EML1: variants seen among roughly 807,000 people sequenced by gnomAD.
The protein encoded by EML1 is EMAP like 1, also known as echinoderm microtubule-associated protein-like 1.
A neutral mutation model predicts 110.4 loss-of-function variants in EML1; 27 were observed. That is an observed-to-expected ratio of 0.24 (90% CI 0.18 to 0.34). EML1 has a LOEUF of 0.34. Ranked by LOEUF, EML1 falls within the 10% of genes least tolerant of loss-of-function variation. The probability of loss-of-function intolerance (pLI) is 1.00; values close to 1 mark genes in which losing one functional copy is unlikely to be tolerated. For missense variants in EML1, 741 were observed against 1,030.9 expected (o/e 0.72, Z 3.85); for synonymous variants, 344 against 385.8 (o/e 0.89, Z 1.27).
Position 99,907,435 on chromosome 14 carries a change from T to C in EML1, c.1009-203T>C. ...GAGAGCAATGATTGCACCACTGCAC[T>C]GTGACCTGGATGACAGAGCAAAACC... On this transcript the variant is annotated intron_variant, in intron 9 of 21. Coordinates refer to ENST00000262233, the MANE Select transcript of EML1 (RefSeq NM_004434.3). 3 of 587,832 alleles carry C rather than the reference T, an allele frequency of 5.1e-6. No individual in the cohort carries two copies. The South Asian group carries it at 6.3e-5, about 12-fold the overall frequency. The allele number at this position is 587,832 out of a possible 1,614,324, so 36.4% of individuals were successfully genotyped here.
upstream of EML1, among the ~76,000 whole-genome samples, chr14:99,770,779 A>ATTTTTTTTTTTTTTTTT (rs34744469): frequency 1.9e-3 from 176 of 91,624 alleles, 20 homozygotes; most frequent in African/African-American, 6.1e-3. Context: ...GTTTCCGCTG[A>ATTTTTTTTTTTTTTTTT]TTTTTTTTTT....
intron 17 of EML1, among the ~76,000 whole-genome samples, chr14:99,922,240 C>T (rs1482801836): frequency 4.6e-5 from 7 of 151,918 alleles, no homozygotes; most frequent in Non-Finnish European, 8.8e-5. Flanking sequence ...CTCAGCCTCC[C>T]GAGTAGCTGG....
At chr14:99,868,364 T>A (rs1174608333) in intron 3 of EML1, among the ~76,000 whole-genome samples, 1 of 152,214 alleles carries the variant, frequency 6.6e-6, no homozygotes, top group Non-Finnish European at 1.5e-5. Context: ...CCTCAATTCT[T>A]TGGAAGAGTT....
chr14:99,939,402 G>C lies in EML1; in HGVS notation c.2322+75G>C. 3 of 1,584,464 alleles carry C rather than the reference G, an allele frequency of 1.9e-6. No homozygotes were observed. The highest frequency in any genetic ancestry group is 2.6e-6 in the Non-Finnish European group (3 of 1,162,778). Reference sequence around the variant, plus strand: ...TACACCCGACCTGTTTGGAGACTAAGTGGAAATGGGCTGTGAGCGACTGCT... The same window carrying C: ...TACACCCGACCTGTTTGGAGACTAACTGGAAATGGGCTGTGAGCGACTGCT... On this transcript the variant is annotated intron_variant, in intron 21 of 21. Coordinates refer to ENST00000262233, the MANE Select transcript of EML1 (RefSeq NM_004434.3). The surrounding 1 kb of genome is among the most constrained non-coding windows in gnomAD (Gnocchi z 4.2).
At chr14:99,790,479 A>T (rs1273448070), upstream of EML1, among the ~76,000 whole-genome samples, 2 of 148,958 alleles carry the variant, frequency 1.3e-5, no homozygotes, top group Non-Finnish European at 3.0e-5. Flanking sequence ...CTAGGACTAC[A>T]GGCACACACC....
At chr14:99,823,319 G>A (rs1270298180) in intron 1 of EML1, among the ~76,000 whole-genome samples, 1 of 151,924 alleles carries the variant, frequency 6.6e-6, no homozygotes, top group Admixed American at 6.6e-5. Context: ...TGTCGGCCTT[G>A]CCCTGGCCGC....
intron 1 of EML1, among the ~76,000 whole-genome samples, chr14:99,832,614 C>T (rs776783661): frequency 9.2e-5 from 14 of 152,226 alleles, no homozygotes; most frequent in Admixed American, 1.3e-4. Context: ...TCCCTAATGA[C>T]TAATGATGTT....
Position 99,905,888 on chromosome 14 carries a change from T to C in EML1, c.1009-1750T>C, listed in dbSNP as rs1429847802. Among the ~76,000 whole-genome samples, 2 of 152,082 alleles carry C rather than the reference T, an allele frequency of 1.3e-5. No individual in the cohort carries two copies. Among genetic ancestry groups the C allele is most frequent in the African/African-American group, 4.8e-5 (2 of 41,400 alleles). ...CTCTGTCTTAGGAGAGACTCCTAAG[T>C]TAGGCCTCTAACCCAATCCCATCCT... On this transcript the variant is annotated intron_variant, in intron 9 of 21. Coordinates refer to ENST00000262233, the MANE Select transcript of EML1 (RefSeq NM_004434.3). This position sits in a 1 kb window ranked among gnomAD's most constrained non-coding sequence, Gnocchi z 4.1.
At position 99,796,934 on chromosome 14, in the gene EML1, T is replaced by TGAGA. The variant is rs201968910; in HGVS notation, c.67+3392_67+3393insAGAG. 5.6e-5 allele frequency among the ~76,000 whole-genome samples: 7 copies of TGAGA among 125,854 alleles called. No homozygotes were observed. The East Asian group carries it at 1.8e-3, about 32-fold the overall frequency. 82.6% of individuals were successfully genotyped at this position (125,854 alleles called of 152,430 possible). A position where few individuals can be genotyped will look rare whatever the true frequency, so the allele number is the denominator to read the frequency against. On this transcript the variant is annotated intron_variant, in intron 1 of 21. Transcript: ENST00000262233. ...ATGTGTGTGTGTGTGTGTGTGTGTGTGTGAGAGAGTAATAGCTTTATTGAA... is the reference window on the plus strand; with the variant it reads ...ATGTGTGTGTGTGTGTGTGTGTGTGTGAGAGTGAGAGAGTAATAGCTTTATTGAA...
intron 1 of EML1, among the ~76,000 whole-genome samples, chr14:99,754,075 G>A (rs1047087312): frequency 7.2e-5 from 11 of 152,192 alleles, no homozygotes; most frequent in African/African-American, 2.4e-4. Context: ...TCCCCTCTCT[G>A]GGACTCAGTT....
At chr14:99,885,582 C>T (rs947279047) in intron 4 of EML1, among the ~76,000 whole-genome samples, 2 of 152,188 alleles carry the variant, frequency 1.3e-5, no homozygotes, top group African/African-American at 4.8e-5. Flanking sequence ...CCACATTTTA[C>T]ACTGGAAGAT....
chr14:99,938,556 G>A lies in EML1; in HGVS notation c.2192-641G>A, dbSNP rs1359114167. On this transcript the variant is annotated intron_variant, in intron 20 of 21. Coordinates refer to ENST00000262233, the MANE Select transcript of EML1 (RefSeq NM_004434.3). ...TCCCCGACAATGGTCAGAAGAGGGC[G>A]TCCCCCACCCACCCATTCTCCAGGC... Among the ~76,000 whole-genome samples, 8 of 152,108 alleles carry A rather than the reference G, an allele frequency of 5.3e-5. No individual in the cohort carries two copies. The East Asian group carries it at 5.8e-4, about 11-fold the overall frequency.
chr14:99,822,526 A>T (rs1215732284), intron 1 of EML1, among the ~76,000 whole-genome samples: 2 of 152,190 alleles, frequency 1.3e-5, no homozygotes, highest in East Asian at 3.9e-4. Context: ...GAGGGCAGGG[A>T]AATAAAGATC....
chr14:99,808,053 A>G (rs2058009938), intron 1 of EML1, among the ~76,000 whole-genome samples: 1 of 152,078 alleles, frequency 6.6e-6, no homozygotes, highest in African/African-American at 2.4e-5. Context: ...CCTGGGGTGA[A>G]GTCTTCCCTC....
intron 17 of EML1, among the ~76,000 whole-genome samples, chr14:99,925,390 G>C (rs1175434972): frequency 6.6e-6 from 1 of 151,068 alleles, no homozygotes; most frequent in Non-Finnish European, 1.5e-5. Context: ...CCTCCAAGTA[G>C]CTGGGACTGC....
chr14:99,794,108 G>A (rs1219860944), intron 1 of EML1, among the ~76,000 whole-genome samples: 1 of 152,116 alleles, frequency 6.6e-6, no homozygotes, highest in Admixed American at 6.6e-5. Flanking sequence ...CCTCAGTGTT[G>A]CTTCTTATTT....
rs561291301 is a variant in EML1 at position 99,938,029 on chromosome 14, G to A, written c.2191+117G>A. The A allele has an allele frequency of 2.8e-4, 299 of 1,054,998 alleles. 4 individuals are homozygous for A. In the South Asian group the frequency reaches 3.9e-3, roughly 14 times the overall value. The allele number at this position is 1,054,998 out of a possible 1,614,324, so 65.4% of individuals were successfully genotyped here. On this transcript the variant is annotated intron_variant, in intron 20 of 21. Transcript: ENST00000262233. ...TCTTGTCAGATTGCTCGGCTGCTAC[G>A]GGAGGCCCATGAGACACACCTCCTG...
At chr14:99,782,639 G>A (rs776370324) in intron 1 of EML1, among the ~76,000 whole-genome samples, 3 of 152,248 alleles carry the variant, frequency 2.0e-5, no homozygotes, top group Non-Finnish European at 4.4e-5. Flanking sequence ...CTTCCAGAAG[G>A]ATGCTGAGGA....
chr14:99,911,625 T>G lies in EML1; in HGVS notation c.1494+49T>G, dbSNP rs369183779. 3.8e-6 allele frequency: 6 copies of G among 1,573,624 alleles called. No individual in the cohort carries two copies. The African/African-American group carries it at 8.3e-5, about 22-fold the overall frequency. Reference sequence around the variant, plus strand: ...AAATTTGTTTTTAACCTTAAACTGTTATCCTTTTTTTATTAGTTTGAAATC... The same window carrying G: ...AAATTTGTTTTTAACCTTAAACTGTGATCCTTTTTTTATTAGTTTGAAATC... On this transcript the variant is annotated intron_variant, in intron 13 of 21. Coordinates refer to ENST00000262233, the MANE Select transcript of EML1 (RefSeq NM_004434.3).
Sources: allele counts gnomAD v4.1 joint callset (sites outside exome capture counted in the v4.1 genomes callset), GRCh38; gene constraint gnomAD v4.1.1; non-coding constraint Gnocchi (gnomAD v3.1); transcripts MANE v1.5; gene names NCBI Gene and HGNC (gene_info 2026-07-23, HGNC 2026-07-21).